Variants in LIN28B observed in about 807,000 individuals in gnomAD.
LIN28B encodes the protein protein lin-28 homolog B.
A neutral mutation model predicts 21.9 loss-of-function variants in LIN28B; 5 were observed. The observed-to-expected ratio is 0.23, with a 90% confidence interval of 0.12 to 0.48. The LOEUF is 0.48. Ranked by LOEUF, LIN28B falls within the 20% of genes least tolerant of loss-of-function variation. The pLI is 0.98. For synonymous variants in LIN28B, 109 were observed against 111.3 expected (o/e 0.98, Z 0.13); for missense variants, 245 against 310.5 (o/e 0.79, Z 1.58).
At chr6:104,951,864 T>C (rs1320270965) in intron 3 of LIN28B, among the ~76,000 whole-genome samples, 2 of 152,194 alleles carry the variant, frequency 1.3e-5, no homozygotes, top group Non-Finnish European at 2.9e-5. Flanking sequence ...CCAGAATTGG[T>C]AAATAGGACC....
At chr6:105,063,132 ATATT>A (rs1480711974) in intron 3 of LIN28B, among the ~76,000 whole-genome samples, 3 of 152,124 alleles carry the variant, frequency 2.0e-5, no homozygotes, top group Admixed American at 6.5e-5. Context: ...GATTCAGTGA[ATATT>A]TATTTATTTG....
rs1203471 is a variant in LIN28B, at chr6:105,054,815, T to C, written c.384-23599T>C. Among the ~76,000 whole-genome samples, 844 of 151,612 alleles carry C rather than the reference T, an allele frequency of 5.6e-3. 9 individuals carry two copies. Among genetic ancestry groups the C allele is most frequent in the African/African-American group, 0.019 (806 of 41,374 alleles). ...CGGGGTGCAAGCCAGTGAGTTTCCA[T>C]GTGGTTACATTTTTCTTGAACCTGA... On this transcript the variant is annotated intron_variant, in intron 3 of 3. Transcript: ENST00000345080.
chr6:105,074,002 G>T (rs1772378487), intron 3 of LIN28B, among the ~76,000 whole-genome samples: 1 of 152,034 alleles, frequency 6.6e-6, no homozygotes, highest in Non-Finnish European at 1.5e-5. Context: ...TTCATTTTTT[G>T]ATGAAATCCT....
At chr6:104,976,184 T>G (rs1770090606) in intron 2 of LIN28B, among the ~76,000 whole-genome samples, 1 of 152,214 alleles carries the variant, frequency 6.6e-6, no homozygotes, top group Admixed American at 6.5e-5. Flanking sequence ...CAGAGAGGGT[T>G]TCTGACCTCG....
intron 3 of LIN28B, among the ~76,000 whole-genome samples, chr6:105,028,577 C>G (rs1771352874): frequency 6.6e-6 from 1 of 152,034 alleles, no homozygotes; most frequent in Non-Finnish European, 1.5e-5. Context: ...GGAAAAGAGT[C>G]CAGGGTGACT....
chr6:104,999,020 G>T (rs78046224), intron 2 of LIN28B, among the ~76,000 whole-genome samples: 3,401 of 151,946 alleles, frequency 0.022, 149 homozygotes, highest in African/African-American at 0.079. Context: ...TTGAGAATTA[G>T]AAAAAACAAG....
intron 2 of LIN28B, among the ~76,000 whole-genome samples, chr6:104,959,293 T>C (rs1769670685): frequency 6.6e-6 from 1 of 152,118 alleles, no homozygotes; most frequent in African/African-American, 2.4e-5. Context: ...ATAATCTAAG[T>C]TAAAAAGAAT....
chr6:105,072,013 T>G (rs551126770), intron 3 of LIN28B, among the ~76,000 whole-genome samples: 1 of 152,104 alleles, frequency 6.6e-6, no homozygotes, highest in Non-Finnish European at 1.5e-5. Context: ...GTTTTATAGA[T>G]GGGATGCTCA....
At chr6:105,026,266 T>G (rs774474167) in intron 2 of LIN28B, 32 bp from the exon 3 acceptor site, 72 of 1,304,350 alleles carry the variant, frequency 5.5e-5, no homozygotes, top group Non-Finnish European at 7.4e-5. Flanking sequence ...TAATCTCTCT[T>G]TTTCTCCCCC....
intron 2 of LIN28B, among the ~76,000 whole-genome samples, chr6:104,997,477 GTATC>G (rs1248664690): frequency 1.3e-5 from 2 of 151,636 alleles, no homozygotes; most frequent in Non-Finnish European, 2.9e-5. Flanking sequence ...AAATTGAACT[GTATC>G]TATATGTATA....
intron 2 of LIN28B, among the ~76,000 whole-genome samples, chr6:104,938,050 C>CAAAAAAAAAAA (rs10562331): frequency 1.4e-4 from 10 of 73,702 alleles, no homozygotes; most frequent in African/African-American, 6.1e-4. Context: ...CCTGTCTCTA[C>CAAAAAAAAAAA]AAAAAAAAAA....
At chr6:104,958,328 G>T in intron 2 of LIN28B, 42 bp downstream of exon 2, 1 of 1,464,940 alleles carries the variant, frequency 6.8e-7, no homozygotes, top group East Asian at 2.3e-5. Context: ...CTTTTTCCAT[G>T]TGGAGGAGCT....
At chr6:104,961,975 A>G (rs987978159) in intron 2 of LIN28B, among the ~76,000 whole-genome samples, 11 of 152,106 alleles carry the variant, frequency 7.2e-5, no homozygotes, top group African/African-American at 2.7e-4. Context: ...CCTAATAACT[A>G]CCTGTTGATG....
chr6:105,027,589 T>C (rs1169809225), intron 3 of LIN28B, among the ~76,000 whole-genome samples: 2 of 152,082 alleles, frequency 1.3e-5, no homozygotes, highest in South Asian at 2.1e-4. Context: ...ATAAAATATA[T>C]TTTATCTTTA....
chr6:104,970,342 T>C (rs2114588812), intron 2 of LIN28B, among the ~76,000 whole-genome samples: 1 of 152,320 alleles, frequency 6.6e-6, no homozygotes. Context: ...AGCTTTTGTT[T>C]CTTCCTGTAG....
At chr6:105,055,059 C>G (rs1172904234) in intron 3 of LIN28B, among the ~76,000 whole-genome samples, 2 of 151,754 alleles carry the variant, frequency 1.3e-5, no homozygotes, top group African/African-American at 4.8e-5. Context: ...TAAAATGTAT[C>G]TTTTTTCTTA....
At chr6:105,049,482 A>T (rs1771845944) in intron 3 of LIN28B, among the ~76,000 whole-genome samples, 1 of 152,132 alleles carries the variant, frequency 6.6e-6, no homozygotes, top group South Asian at 2.1e-4. Flanking sequence ...TATTCTGTTG[A>T]TTTGGGGTGG....
At chr6:105,041,762 A>G (rs915832513) in intron 3 of LIN28B, among the ~76,000 whole-genome samples, 2 of 151,956 alleles carry the variant, frequency 1.3e-5, no homozygotes, top group Non-Finnish European at 2.9e-5. Flanking sequence ...TAAAATGCAC[A>G]CTCTAAGGCC....
intron 2 of LIN28B, among the ~76,000 whole-genome samples, chr6:105,004,182 G>C (rs1442875850): frequency 6.6e-6 from 1 of 152,114 alleles, no homozygotes; most frequent in Admixed American, 6.5e-5. Context: ...CAGCTGATGA[G>C]ATGGTGACCA....
Sources: allele counts gnomAD v4.1 joint callset (sites outside exome capture counted in the v4.1 genomes callset), GRCh38; gene constraint gnomAD v4.1.1; transcripts MANE v1.5; gene names NCBI Gene and HGNC (gene_info 2026-07-23, HGNC 2026-07-21).